The following CDC42BPA variants were observed in gnomAD, a reference collection of about 807,000 sequenced individuals.
The protein encoded by CDC42BPA is serine/threonine-protein kinase MRCK alpha.
CDC42BPA carries 80 observed loss-of-function variants against 223.5 expected under a neutral mutation model. The observed-to-expected ratio is 0.36, with a 90% CI of 0.30 to 0.43. The LOEUF (loss-of-function observed/expected upper bound fraction) is 0.43, where lower values mean the gene tolerates loss of function less well. Ranked by LOEUF, CDC42BPA falls within the 20% of genes least tolerant of loss-of-function variation. The pLI, the probability that CDC42BPA is intolerant of heterozygous loss-of-function variation, is 1.00. For missense variants in CDC42BPA, 1,743 were observed against 2,099.9 expected (o/e 0.83, Z 3.32); for synonymous variants, 694 against 718.6 (o/e 0.97, Z 0.55).
intron 1 of CDC42BPA, among the ~76,000 whole-genome samples, chr1:227,262,983 A>T (rs1010704950): frequency 6.6e-6 from 1 of 152,218 alleles, no homozygotes; most frequent in Non-Finnish European, 1.5e-5. Context: ...CTGTAATCCT[A>T]GCACCCTGTG....
intron 1 of CDC42BPA, among the ~76,000 whole-genome samples, chr1:227,284,383 T>C (rs529353400): frequency 6.6e-6 from 1 of 152,316 alleles, no homozygotes; most frequent in African/African-American, 2.4e-5. Context: ...GAATACATTA[T>C]CTCAAAGATT....
At chr1:227,019,814 T>C (rs1667039364) in intron 32 of CDC42BPA, among the ~76,000 whole-genome samples, 1 of 152,222 alleles carries the variant, frequency 6.6e-6, no homozygotes. Flanking sequence ...CTTAAAATTT[T>C]CAGTGACATC....
At chr1:227,254,012 C>A in intron 2 of CDC42BPA, 52 bp downstream of exon 2, 1 of 980,874 alleles carries the variant, frequency 1.0e-6, no homozygotes, top group South Asian at 1.4e-5. Flanking sequence ...CAATTGTGTT[C>A]AACAGCTTCC....
intron 5 of CDC42BPA, among the ~76,000 whole-genome samples, chr1:227,174,553 T>C (rs922576897): frequency 4.6e-5 from 7 of 152,200 alleles, no homozygotes; most frequent in African/African-American, 1.7e-4. Context: ...CAAATTCTAT[T>C]AAAATAGGAT....
chr1:227,121,771 A>G (rs1688695269), intron 11 of CDC42BPA, among the ~76,000 whole-genome samples: 1 of 150,034 alleles, frequency 6.7e-6, no homozygotes. Context: ...AGTTTTTAAC[A>G]TTTTTAGGAT....
intron 1 of CDC42BPA, among the ~76,000 whole-genome samples, chr1:227,268,631 GTGTATA>G (rs1558913705): frequency 2.4e-5 from 3 of 125,214 alleles, no homozygotes; most frequent in African/African-American, 9.4e-5. Flanking sequence ...TATATAGTAT[GTGTATA>G]TATATAGTGT....
chr1:227,164,839 T>C (rs1411882916), intron 5 of CDC42BPA, among the ~76,000 whole-genome samples: 1 of 152,238 alleles, frequency 6.6e-6, no homozygotes, highest in Non-Finnish European at 1.5e-5. Flanking sequence ...ACATTACTCT[T>C]ATCACTTCAC....
intron 5 of CDC42BPA, among the ~76,000 whole-genome samples, chr1:227,173,650 A>C (rs1440656349): frequency 6.6e-6 from 1 of 152,126 alleles, no homozygotes; most frequent in Non-Finnish European, 1.5e-5. Context: ...GCACTATCAT[A>C]TATGTATGCT....
At chr1:227,247,193 T>C (rs911807433) in intron 2 of CDC42BPA, among the ~76,000 whole-genome samples, 4 of 137,662 alleles carry the variant, frequency 2.9e-5, no homozygotes, top group African/African-American at 1.1e-4. Context: ...GAGCGAGACT[T>C]TGTCTCAAAA....
At chr1:227,050,813 A>G (rs1232630679) in intron 22 of CDC42BPA, among the ~76,000 whole-genome samples, 3 of 152,190 alleles carry the variant, frequency 2.0e-5, no homozygotes, top group Admixed American at 1.3e-4. Context: ...ATATTTAGAT[A>G]TGTCTGGGAA....
At chr1:227,295,293 TG>T (rs1290749540) in intron 1 of CDC42BPA, among the ~76,000 whole-genome samples, 1 of 152,124 alleles carries the variant, frequency 6.6e-6, no homozygotes, top group Non-Finnish European at 1.5e-5. Flanking sequence ...CCAGAGCAAC[TG>T]GGACTATAGA....
At chr1:227,113,142 T>C (rs1410373094) in intron 12 of CDC42BPA, among the ~76,000 whole-genome samples, 2 of 152,234 alleles carry the variant, frequency 1.3e-5, no homozygotes, top group East Asian at 1.9e-4. Context: ...TTTAACCTTA[T>C]AGTACCTTAG....
At chr1:227,085,515 G>C (rs1382832688) in intron 16 of CDC42BPA, among the ~76,000 whole-genome samples, 1 of 152,172 alleles carries the variant, frequency 6.6e-6, no homozygotes, top group African/African-American at 2.4e-5. Flanking sequence ...GGATTTTATT[G>C]GTGTGCATTT....
intron 1 of CDC42BPA, among the ~76,000 whole-genome samples, chr1:227,273,861 A>G (rs1176642166): frequency 6.7e-6 from 1 of 148,546 alleles, no homozygotes; most frequent in Admixed American, 6.8e-5. Context: ...AACAAGGAAA[A>G]AAAAAAAAAA....
chr1:227,017,598 C>T (rs1450408126), intron 32 of CDC42BPA, among the ~76,000 whole-genome samples: 1 of 152,136 alleles, frequency 6.6e-6, no homozygotes, highest in East Asian at 1.9e-4. Flanking sequence ...CACTACCCTT[C>T]CTTTATAAAA....
chr1:227,270,950 T>C (rs562639007), intron 1 of CDC42BPA, among the ~76,000 whole-genome samples: 1 of 152,324 alleles, frequency 6.6e-6, no homozygotes, highest in South Asian at 2.1e-4. Flanking sequence ...TGTATGCTTA[T>C]GCTACAGTCA....
chr1:227,026,723 T>C (rs925401646), intron 30 of CDC42BPA, among the ~76,000 whole-genome samples: 7 of 152,222 alleles, frequency 4.6e-5, no homozygotes, highest in Non-Finnish European at 1.0e-4. Context: ...AAGTCAGACA[T>C]TCCAACTCTG....
intron 20 of CDC42BPA, among the ~76,000 whole-genome samples, chr1:227,070,569 T>C (rs541883475): frequency 6.6e-6 from 1 of 151,994 alleles, no homozygotes; most frequent in Admixed American, 6.6e-5. Context: ...GATTTGTGTT[T>C]TTCATATTAC....
chr1:227,101,249 TA>T lies in CDC42BPA; in HGVS notation c.2002-11del. On this transcript the variant is annotated splice_polypyrimidine_tract_variant and intron_variant, in intron 14 of 36. Transcript: ENST00000366766. ...AACTAATTTGTTTTTGCTATAGAAA[TA>T]ATAACAAAAGATTAGTGCATCTACA... is the stretch of plus-strand genomic sequence containing the variant. 1 of 1,492,200 alleles carries T rather than the reference TA, an allele frequency of 6.7e-7. No homozygotes were observed. The allele number at this position is 1,492,200 out of a possible 1,614,324, so 92.4% of individuals were successfully genotyped here.
Sources: allele counts gnomAD v4.1 joint callset (sites outside exome capture counted in the v4.1 genomes callset), GRCh38; gene constraint gnomAD v4.1.1; transcripts MANE v1.5; gene names NCBI Gene and HGNC (gene_info 2026-07-23, HGNC 2026-07-21).